Variants in TANC1 observed in about 807,000 individuals in gnomAD.
TANC1 encodes protein TANC1.
TANC1 carries 77 observed loss-of-function variants against 149.7 expected under a neutral mutation model. The ratio of observed to expected loss-of-function variants is 0.51; its 90% confidence interval spans 0.43 to 0.62. TANC1 has a LOEUF of 0.62. TANC1 is among the 20% of genes least tolerant of loss of function. The pLI, the probability that TANC1 is intolerant of heterozygous loss-of-function variation, is 0.00. For synonymous variants in TANC1, 854 were observed against 925.0 expected, an observed-to-expected ratio of 0.92 and a Z score of 1.39; for missense variants, 1,985 against 2,321.8, an observed-to-expected ratio of 0.85 and a Z score of 2.98.
At chr2:159,004,509 A>AT (rs1044175945) in intron 2 of TANC1, among the ~76,000 whole-genome samples, 32 of 151,118 alleles carry the variant, frequency 2.1e-4, no homozygotes, top group African/African-American at 5.6e-4. Context: ...TCCTCCCAGG[A>AT]TTTTTTTTTG....
chr2:159,223,127 A>T (rs898540055), intron 22 of TANC1, among the ~76,000 whole-genome samples: 3 of 152,040 alleles, frequency 2.0e-5, no homozygotes, highest in African/African-American at 7.2e-5. Flanking sequence ...GCTGGTCTTG[A>T]ACTCCTGACC....
At position 159,217,817 on chromosome 2, in the gene TANC1, G is replaced by A. The variant is rs564797629; in HGVS notation, c.3378+187G>A. On this transcript the variant is annotated intron_variant, in intron 20 of 26. Transcript: ENST00000263635. ...CAAGATAACACAGTTGGCCACGTAG[G>A]CTGGGGAGCAAGGCTGCTCAAGGCT... 2.6e-4 allele frequency among the ~76,000 whole-genome samples: 40 copies of A among 152,344 alleles called. No individual in the cohort carries two copies. In the South Asian group the frequency reaches 7.2e-3, roughly 28 times the overall value.
chr2:159,176,536 A>G lies in TANC1; in HGVS notation c.1902+18A>G. 1 of 1,577,114 alleles carries G rather than the reference A, an allele frequency of 6.3e-7. No individual in the cohort carries two copies. The highest frequency in any genetic ancestry group is 1.7e-4 in the Middle Eastern group (1 of 5,992). ...ATTTTCAGGTAACAAAGAATTCTCA[A>G]ATCTTTCTCCAAGTCCCCATTCCAA... On this transcript the variant is annotated intron_variant, in intron 13 of 26. Transcript: ENST00000263635.
chr2:159,093,808 T>C (rs925067873), intron 3 of TANC1, among the ~76,000 whole-genome samples: 1 of 151,770 alleles, frequency 6.6e-6, no homozygotes, highest in Non-Finnish European at 1.5e-5. Context: ...GGAGCCCAGC[T>C]GCTCCAAAGG....
chr2:159,220,352 G>T (rs1042656012), intron 22 of TANC1, among the ~76,000 whole-genome samples: 1 of 151,704 alleles, frequency 6.6e-6, no homozygotes, highest in Non-Finnish European at 1.5e-5. Flanking sequence ...CTGTTGCCCA[G>T]GCTGGAGTGC....
chr2:158,985,860 C>G (rs1452234057), intron 1 of TANC1, among the ~76,000 whole-genome samples: 1 of 152,178 alleles, frequency 6.6e-6, no homozygotes, highest in Non-Finnish European at 1.5e-5. Context: ...CCAGGCTGGT[C>G]TGAAACTCCT....
At chr2:159,225,491 G>A in intron 23 of TANC1, 197 bp from the exon 24 acceptor site, 1 of 600,408 alleles carries the variant, frequency 1.7e-6, no homozygotes, top group Non-Finnish European at 3.0e-6. Flanking sequence ...AAAATAACAA[G>A]GACAGATTTG....
At chr2:159,056,780 C>A in intron 2 of TANC1, 3 of 349,338 alleles carry the variant, frequency 8.6e-6, no homozygotes, top group South Asian at 2.9e-5. Context: ...TGACCTTGTT[C>A]TTCCCGTCCA....
Position 159,231,091 on chromosome 2 carries a change from G to A in TANC1, c.*79G>A. ...GTAAATTAAATAGTTTTTTTCATCA[G>A]AAAAATTATTTTTTAGCCATTTTTT... On this transcript the variant is annotated 3_prime_UTR_variant, in exon 27 of 27. Transcript: ENST00000263635. The A allele has an allele frequency of 8.2e-7, 1 of 1,221,130 alleles. No individual in the cohort carries two copies. The highest frequency in any genetic ancestry group is 1.1e-6 in the Non-Finnish European group (1 of 886,314). The allele number at this position is 1,221,130 out of a possible 1,614,324, so 75.6% of individuals were successfully genotyped here.
At chr2:159,035,391 A>G (rs1010727990) in intron 2 of TANC1, among the ~76,000 whole-genome samples, 1 of 152,154 alleles carries the variant, frequency 6.6e-6, no homozygotes, top group African/African-American at 2.4e-5. Flanking sequence ...TCATTTTTTC[A>G]AAACTATCAT....
rs573795213 is a variant in TANC1, at chr2:159,148,877, G to A, written c.365-265G>A. The A allele has an allele frequency of 2.7e-5, 8 of 296,512 alleles. No homozygotes were observed. The East Asian group carries it at 3.0e-4, about 11-fold the overall frequency. 18.4% of individuals were successfully genotyped at this position (296,512 alleles called of 1,614,324 possible). ...TGAAGTACCCGTTTTCACATGACTC[G>A]GAATTAGGAATTGCCGTCAGATAAC... On this transcript the variant is annotated intron_variant, in intron 5 of 26. Coordinates refer to ENST00000263635, the MANE Select transcript of TANC1 (RefSeq NM_033394.3).
chr2:158,983,924 T>C (rs932224277), intron 1 of TANC1, among the ~76,000 whole-genome samples: 5 of 152,332 alleles, frequency 3.3e-5, no homozygotes, highest in Admixed American at 6.5e-5. Flanking sequence ...TGCCTGGATA[T>C]CTATGGTCCT....
chr2:159,211,018 G>A (rs914584415), intron 19 of TANC1, among the ~76,000 whole-genome samples: 5 of 152,008 alleles, frequency 3.3e-5, no homozygotes, highest in Middle Eastern at 3.4e-3. Flanking sequence ...TTATAGGCGC[G>A]TGCCACCACT....
chr2:159,196,604 C>T lies in TANC1; in HGVS notation c.2980-4C>T, dbSNP rs761072109. On this transcript the variant is annotated splice_polypyrimidine_tract_variant and splice_region_variant and intron_variant, in intron 17 of 26. Transcript: ENST00000263635. ...CTGTAACCTTCCCCTACTCCTGCCC[C>T]CAGGTGGACCACTTGGATAAGAAGG... The T allele has an allele frequency of 7.5e-6, 12 of 1,594,646 alleles. No homozygotes were observed. The highest frequency in any genetic ancestry group is 1.0e-5 in the Non-Finnish European group (12 of 1,167,432).
chr2:159,102,132 G>T (rs985777730), intron 4 of TANC1, among the ~76,000 whole-genome samples: 2 of 152,016 alleles, frequency 1.3e-5, no homozygotes, highest in Non-Finnish European at 1.5e-5. Flanking sequence ...CCCCCAACCC[G>T]CAAGTATTTC....
rs541686105 is a variant in TANC1 at position 159,178,900 on chromosome 2, C to T, written c.2247C>T (p.Ser749=). 29 of 1,614,138 alleles carry T rather than the reference C, an allele frequency of 1.8e-5. No homozygotes were observed. The highest frequency in any genetic ancestry group is 6.7e-5 in the African/African-American group (5 of 75,034). Residue 749 remains serine, a synonymous_variant, in exon 14 of 27, where the codon TCC becomes TCT. Transcript: ENST00000263635. The part of the protein sequence containing the change: ...LQCNMKFMTQ[S]AFERALPILN... ...GCAACATGAAGTTCATGACCCAGTC[C>T]GCCTTTGAGAGGGCACTTCCGATTC...
chr2:159,226,086 T>C (rs1036146175), intron 24 of TANC1: 1 of 356,008 alleles, frequency 2.8e-6, no homozygotes, highest in Non-Finnish European at 5.3e-6. Flanking sequence ...AGGAGAATTG[T>C]TTCAATCTGG....
At chr2:159,054,694 C>T (rs181881271) in intron 2 of TANC1, among the ~76,000 whole-genome samples, 325 of 152,298 alleles carry the variant, frequency 2.1e-3, no homozygotes, top group Non-Finnish European at 3.5e-3. Flanking sequence ...AAATTTCATT[C>T]AGCTGGCATT....
At chr2:159,005,151 C>G (rs1350494341) in intron 2 of TANC1, among the ~76,000 whole-genome samples, 1 of 152,154 alleles carries the variant, frequency 6.6e-6, no homozygotes, top group Non-Finnish European at 1.5e-5. Flanking sequence ...TCCGATAAAC[C>G]CACAACCTTC....
Sources: gnomAD v4.1 joint callset for allele counts (sites outside exome capture counted in the v4.1 genomes callset) on GRCh38, gnomAD v4.1.1 for gene constraint, MANE v1.5 for transcripts, NCBI Gene and HGNC (gene_info 2026-07-23, HGNC 2026-07-21) for gene names.